The following UNC13D variants were observed in gnomAD, a reference collection of about 807,000 sequenced individuals.
UNC13D encodes the protein unc-13 homolog D.
In UNC13D, 115 loss-of-function variants were observed where a neutral mutation model predicts 151.7. That is an observed-to-expected ratio of 0.76 (90% CI 0.65 to 0.88). The LOEUF (loss-of-function observed/expected upper bound fraction) is 0.88, where lower values mean the gene tolerates loss of function less well. Among genes scored for constraint, UNC13D ranks in the 40% least tolerant of loss-of-function variants. The pLI, the probability that UNC13D is intolerant of heterozygous loss-of-function variation, is 0.00. For missense variants in UNC13D, 1,369 were observed against 1,438.7 expected, an observed-to-expected ratio of 0.95 and a Z score of 0.78; for synonymous variants, 588 against 612.2, an observed-to-expected ratio of 0.96 and a Z score of 0.58.
At chr17:75,841,212 C>CT (rs1259079406) in intron 6 of UNC13D, 3 of 528,676 alleles carry the variant, frequency 5.7e-6, no homozygotes, top group Non-Finnish European at 9.8e-6. Context: ...GTGGCAGGAT[C>CT]TAACTCACTG....
chr17:75,836,843 G>C lies in UNC13D; in HGVS notation c.1131C>G (p.Ser377Arg), dbSNP rs142335129. The C allele has an allele frequency of 1.6e-4, 259 of 1,613,928 alleles. No individual in the cohort carries two copies. Among genetic ancestry groups the C allele is most frequent in the Non-Finnish European group, 4.0e-5 (47 of 1,180,044 alleles). ...GACCCTGGATCCACTGGTACTCGAT[G>C]CTGGTGATGGGGTGCAGGAGGCAGC... ...PSSCLLHPIT[S>R]IEYQWIQGRL... Residue 377 changes from serine (S) to arginine (R), a missense_variant, in exon 13 of 32, where the codon AGC (serine) becomes AGG (arginine). By Grantham distance (110) the Ser-to-Arg change is moderately radical. Around this residue, in one of 3 missense-constraint regions of UNC13D, gnomAD observed 550 missense variants for 609.0 expected, o/e 0.90. Transcript: ENST00000207549.
rs143939013 is a variant in UNC13D, at chr17:75,834,706, C to G, written c.2003G>C (p.Arg668Pro). The part of the protein sequence containing the change: ...ITVKFVEDTC[R>P]LALVYCSLIK... ...AAGGCTGCAGTACACCAGGGCCAGGCGACAGGTGTCCTAGGGTGGGGTTGG... is the reference window on the plus strand; with the variant it reads ...AAGGCTGCAGTACACCAGGGCCAGGGGACAGGTGTCCTAGGGTGGGGTTGG... Residue 668 changes from arginine to proline, a missense_variant, in exon 22 of 32, where the codon CGC (arginine) becomes CCC (proline). By Grantham distance (103) the Arg-to-Pro change is moderately radical. This residue lies in a region of UNC13D where 807 missense variants were observed against 795.5 expected (regional missense o/e 1.01). Coordinates refer to ENST00000207549, the MANE Select transcript of UNC13D (RefSeq NM_199242.3). 1.9e-6 allele frequency: 3 copies of G among 1,613,514 alleles called. No homozygotes were observed. Among genetic ancestry groups the G allele is most frequent in the Admixed American group, 1.7e-5 (1 of 59,988 alleles).
intron 6 of UNC13D, among the ~76,000 whole-genome samples, chr17:75,841,750 ATT>A (rs1212805297): frequency 1.6e-4 from 18 of 111,264 alleles, no homozygotes; most frequent in East Asian, 2.6e-4. Context: ...GCCCCCACTA[ATT>A]TTTTTTTTTT....
At chr17:75,843,343 G>A (rs569742328) in intron 2 of UNC13D, 77 bp from the exon 3 acceptor site, 10 of 1,586,104 alleles carry the variant, frequency 6.3e-6, no homozygotes, top group South Asian at 1.1e-5. Context: ...GGCAGGACAA[G>A]GGCGGCTTGT....
intron 12 of UNC13D, 106 bp downstream of exon 12, chr17:75,839,733 A>G: frequency 7.9e-7 from 1 of 1,261,918 alleles, no homozygotes; most frequent in Non-Finnish European, 1.2e-6. Flanking sequence ...ATTTTGGGCC[A>G]AAGGGAACTC....
Position 75,827,585 on chromosome 17 carries a change from C to A in UNC13D, c.*380G>T, listed in dbSNP as rs1337346299. 2 of 1,533,958 alleles carry A rather than the reference C, an allele frequency of 1.3e-6. No homozygotes were observed. Among genetic ancestry groups the A allele is most frequent in the East Asian group, 4.9e-5 (2 of 40,920 alleles). On this transcript the variant is annotated 3_prime_UTR_variant, in exon 32 of 32. Coordinates refer to ENST00000207549, the MANE Select transcript of UNC13D (RefSeq NM_199242.3). ...TAGCCCTGGTCCCAGTGAACCTGGC[C>A]CCCACCCCAGTGGCTGGAACAGGAA...
chr17:75,840,718 A>G lies in UNC13D; in HGVS notation c.683+44T>C, dbSNP rs776507953. ...GTGTGCATGTTGGGGGATGGAGGGC[A>G]AAAGGAGCCCCAACCCCTTCCCTGT... is the stretch of plus-strand genomic sequence containing the variant. On this transcript the variant is annotated intron_variant, in intron 8 of 31. Transcript: ENST00000207549. The surrounding 1 kb of genome is among the most constrained non-coding windows in gnomAD (Gnocchi z 4.6). 6.2e-7 allele frequency: 1 copy of G among 1,612,804 alleles called. No homozygotes were observed. The highest frequency in any genetic ancestry group is 8.5e-7 in the Non-Finnish European group (1 of 1,179,212).
In UNC13D at chr17:75,829,086, CTGCAA is replaced by C. The variant is rs2062143337; in HGVS notation, c.2955-108_2955-104del. ...TGTTGGGAACCAGCCAGGGTTTGGA[CTGCAA>C]AGCCAGCTCTCAGCCTGGCACCTCT... On this transcript the variant is annotated intron_variant, in intron 30 of 31. Transcript: ENST00000207549. 3 of 1,416,342 alleles carry C rather than the reference CTGCAA, an allele frequency of 2.1e-6. No homozygotes were observed. In the East Asian group the frequency reaches 7.4e-5, roughly 35 times the overall value. 87.7% of individuals were successfully genotyped at this position (1,416,342 alleles called of 1,614,324 possible).
intron 12 of UNC13D, 52 bp downstream of exon 12, chr17:75,839,787 G>A (rs1444018491): frequency 2.5e-6 from 4 of 1,583,028 alleles, no homozygotes; most frequent in Middle Eastern, 1.7e-4. Flanking sequence ...AGGAGGGCAG[G>A]GGGCGTGGGG....
chr17:75,828,770 C>A lies in UNC13D; in HGVS notation c.3151+17G>T. On this transcript the variant is annotated intron_variant, in intron 31 of 31. Coordinates refer to ENST00000207549, the MANE Select transcript of UNC13D (RefSeq NM_199242.3). The stretch of plus-strand genomic sequence containing the variant: ...GGCTCCCGTCCCCGCACCACCCTGC[C>A]CTGGGCTCAGGCCTACCGTTGGGTG... The A allele has an allele frequency of 5.9e-6, 9 of 1,523,990 alleles. No individual in the cohort carries two copies. The highest frequency in any genetic ancestry group is 7.9e-6 in the Non-Finnish European group (9 of 1,134,264). The allele number at this position is 1,523,990 out of a possible 1,614,324, so 94.4% of individuals were successfully genotyped here. A position where few individuals can be genotyped will look rare whatever the true frequency, so the allele number is the denominator to read the frequency against.
chr17:75,829,690 A>G, intron 30 of UNC13D: 1 of 317,598 alleles, frequency 3.1e-6, no homozygotes, highest in Non-Finnish European at 6.1e-6. Context: ...CTCCTGGGTT[A>G]AGCAATTCTC....
chr17:75,839,799 G>A, intron 12 of UNC13D, 40 bp downstream of exon 12: 1 of 1,603,580 alleles, frequency 6.2e-7, no homozygotes, highest in Non-Finnish European at 8.5e-7. Context: ...GGCGTGGGGG[G>A]CTGGTGGCTC....
In UNC13D at chr17:75,840,385, G is replaced by T; in HGVS notation, c.754-56C>A. On this transcript the variant is annotated intron_variant, in intron 9 of 31. Coordinates refer to ENST00000207549, the MANE Select transcript of UNC13D (RefSeq NM_199242.3). This position sits in a 1 kb window ranked among gnomAD's most constrained non-coding sequence, Gnocchi z 4.6. ...GTCAGAACCTCATAGAGTCGGGGCA[G>T]CGGAGGCGACAGGAGGTGGACCCCA... 1 of 1,608,316 alleles carries T rather than the reference G, an allele frequency of 6.2e-7. No individual in the cohort carries two copies. Among genetic ancestry groups the T allele is most frequent in the African/African-American group, 1.3e-5 (1 of 74,908 alleles).
At position 75,833,110 on chromosome 17, in the gene UNC13D, C is replaced by G; in HGVS notation, c.2368-65G>C. 1.3e-6 allele frequency: 2 copies of G among 1,497,018 alleles called. No individual in the cohort carries two copies. The highest frequency in any genetic ancestry group is 1.8e-6 in the Non-Finnish European group (2 of 1,098,310). The allele number at this position is 1,497,018 out of a possible 1,614,324, so 92.7% of individuals were successfully genotyped here. A position where few individuals can be genotyped will look rare whatever the true frequency, so the allele number is the denominator to read the frequency against. On this transcript the variant is annotated intron_variant, in intron 24 of 31. Transcript: ENST00000207549. This position sits in a 1 kb window ranked among gnomAD's most constrained non-coding sequence, Gnocchi z 4.0. ...TGTTGGCCCCACCCCCATCCCCTTC[C>G]CCTGACCTGGAGGGAGGAAACAGGG...
At chr17:75,844,079 C>T in intron 1 of UNC13D, 142 bp downstream of exon 1, 2 of 1,479,868 alleles carry the variant, frequency 1.4e-6, no homozygotes, top group Admixed American at 1.9e-5. Flanking sequence ...CCAGGGGGCT[C>T]TCCCCAGGGT....
intron 21 of UNC13D, 30 bp downstream of exon 21, chr17:75,834,890 A>C (rs371945615): frequency 1.7e-5 from 27 of 1,613,546 alleles, no homozygotes; most frequent in Non-Finnish European, 2.2e-5. Flanking sequence ...TTCTAGAAAG[A>C]GGGGGAAGGA....
chr17:75,835,435 C>A lies in UNC13D; in HGVS notation c.1822G>T (p.Val608Leu). 1 of 1,612,844 alleles carries A rather than the reference C, an allele frequency of 6.2e-7. No homozygotes were observed. The highest frequency in any genetic ancestry group is 8.5e-7 in the Non-Finnish European group (1 of 1,179,844). ...QKTYNEALARVQRAVQMDELV... is the reference protein window; with the variant it reads ...QKTYNEALARLQRAVQMDELV... The stretch of plus-strand genomic sequence containing the variant: ...TCATCCATCTGCACAGCGCGCTGCA[C>A]CCGCGCCAGGGCCTCGTTGTACGTC... Residue 608 changes from valine to leucine, a missense_variant, in exon 20 of 32, where the codon GTG (valine) becomes TTG (leucine). Physicochemically the swap from Val to Leu is conservative, Grantham distance 32. This residue lies in a region of UNC13D where 807 missense variants were observed against 795.5 expected (regional missense o/e 1.01). Transcript: ENST00000207549.
In UNC13D at chr17:75,834,928, A is replaced by G. The variant is rs375443019; in HGVS notation, c.1984T>C (p.Phe662Leu). 3 of 1,613,944 alleles carry G rather than the reference A, an allele frequency of 1.9e-6. No individual in the cohort carries two copies. The highest frequency in any genetic ancestry group is 2.7e-5 in the African/African-American group (2 of 74,910). Reference sequence around the variant, plus strand: ...CGTGGAAGATGCCGCACCTCCACAAACTTGACGGTAATCATGAAGGCCTCC... The same window carrying G: ...CGTGGAAGATGCCGCACCTCCACAAGCTTGACGGTAATCATGAAGGCCTCC... The part of the protein sequence containing the change: ...PEEAFMITVK[F>L]VEDTCRLALV... The change falls in exon 21 of 32, where the codon TTT (phenylalanine) becomes CTT (leucine). Residue 662 changes from phenylalanine (F) to leucine (L), a missense_variant. By Grantham distance (22) the Phe-to-Leu change is conservative. Transcript: ENST00000207549.
intron 1 of UNC13D, chr17:75,843,753 C>T (rs1367283658): frequency 7.7e-6 from 11 of 1,421,106 alleles, no homozygotes; most frequent in South Asian, 3.0e-5. Flanking sequence ...CCTCCGCACC[C>T]GCACCCCACC....
Sources: gnomAD v4.1 joint callset for allele counts (sites outside exome capture counted in the v4.1 genomes callset) on GRCh38, gnomAD v4.1.1 for gene constraint, gnomAD v4.1.1 regional missense constraint, Gnocchi (gnomAD v3.1) non-coding constraint, MANE v1.5 for transcripts, NCBI Gene and HGNC (gene_info 2026-07-23, HGNC 2026-07-21) for gene names.